The following TADA2A variants were observed in gnomAD, a reference collection of about 807,000 sequenced individuals.
The protein encoded by TADA2A is transcriptional adapter 2-alpha.
A neutral mutation model predicts 67.4 loss-of-function variants in TADA2A; 38 were observed. The observed-to-expected ratio is 0.56, with a 90% CI of 0.44 to 0.74. The LOEUF (loss-of-function observed/expected upper bound fraction) is 0.74. Among genes scored for constraint, TADA2A ranks in the 30% least tolerant of loss-of-function variants. TADA2A has a pLI of 0.00. For missense variants in TADA2A, 454 were observed against 547.0 expected, an observed-to-expected ratio of 0.83 and a Z score of 1.70; for synonymous variants, 192 against 181.6, an observed-to-expected ratio of 1.06 and a Z score of -0.46.
intron 4 of TADA2A, among the ~76,000 whole-genome samples, chr17:37,434,983 A>T (rs940808029): frequency 4.6e-5 from 7 of 152,310 alleles, no homozygotes; most frequent in African/African-American, 1.7e-4. Context: ...ACGGTGGCTC[A>T]TGCCTATAAT....
At chr17:37,449,019 T>G (rs1042208708) in intron 8 of TADA2A, among the ~76,000 whole-genome samples, 18 of 13,638 alleles carry the variant, frequency 1.3e-3, no homozygotes, top group Admixed American at 6.6e-3. Context: ...ATTTCACTGT[T>G]TTTTTTTTTT....
At chr17:37,476,544 G>A (rs1470781820) in intron 15 of TADA2A, among the ~76,000 whole-genome samples, 1 of 152,092 alleles carries the variant, frequency 6.6e-6, no homozygotes, top group Non-Finnish European at 1.5e-5. Flanking sequence ...ACAAACCCAG[G>A]CCCCTGAGCC....
chr17:37,462,110 G>C lies in TADA2A; in HGVS notation c.701G>C (p.Arg234Thr), dbSNP rs573981711. Residue 234 changes from arginine (R) to threonine (T), a missense_variant, in exon 10 of 16, where the codon AGA becomes ACA. Coordinates refer to ENST00000615182, the MANE Select transcript of TADA2A (RefSeq NM_001166105.3). ...IIRDHGLINL[R>T]KFQLMERRYP... ...AGAGACCATGGATTAATCAACCTTA[G>C]AAAGTTTCAATGTAAGTATTAGCAG... 1 of 1,568,146 alleles carries C rather than the reference G, an allele frequency of 6.4e-7. No homozygotes were observed. The highest frequency in any genetic ancestry group is 1.2e-5 in the South Asian group (1 of 85,930).
intron 9 of TADA2A, among the ~76,000 whole-genome samples, chr17:37,458,790 C>T (rs540666490): frequency 4.6e-5 from 7 of 152,182 alleles, no homozygotes; most frequent in African/African-American, 1.7e-4. Flanking sequence ...GATTCTCCCA[C>T]CTCAGCCTCC....
chr17:37,444,880 C>A, intron 8 of TADA2A, 112 bp downstream of exon 8: 2 of 1,001,180 alleles, frequency 2.0e-6, no homozygotes, highest in Non-Finnish European at 3.0e-6. Flanking sequence ...TTATAGAATT[C>A]AGAAATCTAG....
intron 6 of TADA2A, among the ~76,000 whole-genome samples, chr17:37,441,770 G>A (rs551667096): frequency 2.0e-5 from 3 of 151,296 alleles, no homozygotes; most frequent in South Asian, 4.2e-4. Context: ...GGGTTCAAAC[G>A]ATTCTCGTGC....
intron 2 of TADA2A, among the ~76,000 whole-genome samples, chr17:37,418,460 A>G (rs2147913208): frequency 6.6e-6 from 1 of 152,318 alleles, no homozygotes; most frequent in Admixed American, 6.5e-5. Context: ...ATTAGGTTAT[A>G]TAATATAATT....
intron 1 of TADA2A, among the ~76,000 whole-genome samples, chr17:37,408,771 C>G (rs558962741): frequency 3.5e-4 from 53 of 152,234 alleles, no homozygotes; most frequent in African/African-American, 1.3e-3. Flanking sequence ...GTAATACACC[C>G]TTGCTAGACT....
Position 37,470,970 on chromosome 17 carries a change from C to T in TADA2A, c.1029-124C>T. The T allele has an allele frequency of 2.4e-5, 21 of 880,630 alleles. No homozygotes were observed. In the South Asian group the frequency reaches 2.9e-4, roughly 12 times the overall value. 54.6% of individuals were successfully genotyped at this position (880,630 alleles called of 1,614,324 possible). On this transcript the variant is annotated intron_variant, in intron 13 of 15. Transcript: ENST00000615182. ...AGTGAGATATCTGTAAAACATAGTT[C>T]AGTCTATCTCATTACACTTCTTCAA...
chr17:37,425,229 A>G (rs2052369704), intron 3 of TADA2A, among the ~76,000 whole-genome samples: 2 of 152,230 alleles, frequency 1.3e-5, no homozygotes, highest in East Asian at 1.9e-4. Context: ...TACAGGAAAC[A>G]TAACTGGAAG....
At chr17:37,420,819 T>G (rs1402336492) in intron 2 of TADA2A, among the ~76,000 whole-genome samples, 2 of 146,998 alleles carry the variant, frequency 1.4e-5, no homozygotes, top group African/African-American at 4.9e-5. Context: ...GAAATCCTGT[T>G]CCAGGCTGAA....
chr17:37,414,408 C>A (rs570338495), intron 2 of TADA2A, among the ~76,000 whole-genome samples: 1 of 151,882 alleles, frequency 6.6e-6, no homozygotes, highest in East Asian at 1.9e-4. Context: ...ACTAAATACT[C>A]CAAGTGCATC....
At chr17:37,436,160 C>A (rs2052719432) in intron 4 of TADA2A, among the ~76,000 whole-genome samples, 2 of 151,998 alleles carry the variant, frequency 1.3e-5, no homozygotes, top group Non-Finnish European at 2.9e-5. Context: ...ACACTAATCT[C>A]AAAATAACTG....
intron 14 of TADA2A, among the ~76,000 whole-genome samples, chr17:37,472,302 G>A (rs945842876): frequency 2.0e-5 from 3 of 151,946 alleles, no homozygotes; most frequent in Admixed American, 6.5e-5. Context: ...CTGACCTCAG[G>A]TGATCTGCCT....
chr17:37,464,164 G>T (rs946917844), intron 10 of TADA2A, among the ~76,000 whole-genome samples: 10 of 152,184 alleles, frequency 6.6e-5, no homozygotes, highest in African/African-American at 1.2e-4. Context: ...TGGATTAGTT[G>T]TTTGGTCAGT....
intron 6 of TADA2A, among the ~76,000 whole-genome samples, chr17:37,442,017 C>T (rs140492196): frequency 5.8e-4 from 89 of 152,152 alleles, no homozygotes; most frequent in African/African-American, 2.1e-3. Flanking sequence ...TTCTCAAATC[C>T]ATTAGACCAT....
intron 3 of TADA2A, among the ~76,000 whole-genome samples, chr17:37,425,674 G>A (rs934076582): frequency 3.9e-5 from 6 of 151,954 alleles, no homozygotes; most frequent in African/African-American, 1.4e-4. Context: ...TTTGAGACAG[G>A]GTTTCACTGT....
rs577411370 is a variant in TADA2A, at chr17:37,421,580, T to C, written c.26-1929T>C. Among the ~76,000 whole-genome samples, 7 of 146,880 alleles carry C rather than the reference T, an allele frequency of 4.8e-5. No individual in the cohort carries two copies. The South Asian group carries it at 9.0e-4, about 19-fold the overall frequency. ...TCCTGGAACCGTTTGAGCCCAGGAA[T>C]TCAAGACCAGCCTAGGCAACATAGT... is the stretch of plus-strand genomic sequence containing the variant. On this transcript the variant is annotated intron_variant, in intron 2 of 15. Coordinates refer to ENST00000615182, the MANE Select transcript of TADA2A (RefSeq NM_001166105.3).
intron 8 of TADA2A, chr17:37,454,753 C>A: frequency 3.1e-6 from 1 of 320,854 alleles, no homozygotes. Flanking sequence ...ATATAGTGGC[C>A]AAGAGGAATG....
Sources: allele counts gnomAD v4.1 joint callset (sites outside exome capture counted in the v4.1 genomes callset), GRCh38; gene constraint gnomAD v4.1.1; transcripts MANE v1.5; gene names NCBI Gene and HGNC (gene_info 2026-07-23, HGNC 2026-07-21).